The following NMNAT2 variants were observed in gnomAD, a reference collection of about 807,000 sequenced individuals.
The protein encoded by NMNAT2 is nicotinamide/nicotinic acid mononucleotide adenylyltransferase 2.
NMNAT2 carries 11 observed loss-of-function variants against 41.6 expected under a neutral mutation model. That is an observed-to-expected ratio of 0.26 (90% confidence interval 0.17 to 0.44). The LOEUF (loss-of-function observed/expected upper bound fraction) is 0.44, where lower values mean the gene tolerates loss of function less well. NMNAT2 is among the 20% of genes least tolerant of loss of function. NMNAT2 has a pLI of 1.00. For synonymous variants in NMNAT2, 148 were observed against 151.2 expected, an observed-to-expected ratio of 0.98 and a Z score of 0.16; for missense variants, 288 against 407.7, an observed-to-expected ratio of 0.71 and a Z score of 2.53.
chr1:183,392,238 A>T (rs1648504183), intron 1 of NMNAT2, among the ~76,000 whole-genome samples: 1 of 151,810 alleles, frequency 6.6e-6, no homozygotes, highest in South Asian at 2.1e-4. Context: ...ATAAATGGAA[A>T]CTCCATTCTT....
Position 183,252,357 on chromosome 1 carries a change from C to G in NMNAT2, c.*284G>C, listed in dbSNP as rs1321918017. 2 of 412,202 alleles carry G rather than the reference C, an allele frequency of 4.9e-6. No individual in the cohort carries two copies. Among genetic ancestry groups the G allele is most frequent in the African/African-American group, 4.1e-5 (2 of 49,004 alleles). 25.5% of individuals were successfully genotyped at this position (412,202 alleles called of 1,614,324 possible). On this transcript the variant is annotated 3_prime_UTR_variant, in exon 11 of 11. Transcript: ENST00000287713. The stretch of plus-strand genomic sequence containing the variant: ...ACCAGAGCCGCCTCTCTAGAGCATG[C>G]TGGGAGACGGACACCAGTACATCTC...
chr1:183,354,161 C>T (rs1036463885), intron 1 of NMNAT2, among the ~76,000 whole-genome samples: 2 of 152,074 alleles, frequency 1.3e-5, no homozygotes, highest in Admixed American at 6.5e-5. Flanking sequence ...GAGCCTTGCC[C>T]TTATCTTCAG....
intron 1 of NMNAT2, among the ~76,000 whole-genome samples, chr1:183,325,777 GT>G (rs1662449982): frequency 6.6e-6 from 1 of 152,164 alleles, no homozygotes; most frequent in Admixed American, 6.5e-5. Context: ...GAAATCATGT[GT>G]AATAAGGGTC....
At chr1:183,395,954 T>G (rs1490874814) in intron 1 of NMNAT2, among the ~76,000 whole-genome samples, 1 of 152,156 alleles carries the variant, frequency 6.6e-6, no homozygotes, top group African/African-American at 2.4e-5. Context: ...CTTCTCCTAT[T>G]TCCCAGCAGT....
intron 1 of NMNAT2, among the ~76,000 whole-genome samples, chr1:183,328,600 C>A (rs1251200083): frequency 1.3e-5 from 2 of 152,178 alleles, no homozygotes; most frequent in East Asian, 3.9e-4. Flanking sequence ...GCTAGCAATC[C>A]TCCTGGCTCT....
Position 183,286,704 on chromosome 1 carries a change from G to T in NMNAT2, c.406C>A (p.Pro136Thr), listed in dbSNP as rs765954058. Reference protein sequence around the residue: ...IGQPQNETPQPIYQNSNVATK... With the variant: ...IGQPQNETPQTIYQNSNVATK... The stretch of plus-strand genomic sequence containing the variant: ...GCCACGTTGCTGTTCTGGTAAATGG[G>T]CTGGGGGGTCTCGTTTTGTGGCTGT... Residue 136 changes from proline (P) to threonine (T), a missense_variant, in exon 5 of 11, where the codon CCC (proline) becomes ACC (threonine). Transcript: ENST00000287713. 6.2e-7 allele frequency: 1 copy of T among 1,612,550 alleles called. No individual in the cohort carries two copies. Among genetic ancestry groups the T allele is most frequent in the South Asian group, 1.1e-5 (1 of 90,526 alleles).
chr1:183,281,929 T>C, intron 7 of NMNAT2, among the ~76,000 whole-genome samples: 1 of 152,194 alleles, frequency 6.6e-6, no homozygotes, highest in East Asian at 1.9e-4. Context: ...TGGGCTAGCC[T>C]CCTTCCCCAG....
chr1:183,330,475 G>A (rs1195714411), intron 1 of NMNAT2, among the ~76,000 whole-genome samples: 1 of 152,064 alleles, frequency 6.6e-6, no homozygotes, highest in Non-Finnish European at 1.5e-5. Context: ...TTTCAGCTTG[G>A]ACTGCTTCAC....
In NMNAT2 at chr1:183,295,368, C is replaced by T. The variant is rs773707988; in HGVS notation, c.86-1575G>A. 4.0e-4 allele frequency among the ~76,000 whole-genome samples: 61 copies of T among 152,200 alleles called. 1 individual carries two copies. The highest frequency in any genetic ancestry group is 1.7e-3 in the Admixed American group (26 of 15,284). ...AAAATGAATAGACTATTTGTAACAC[C>T]GTTTTAGATTTACAGAATAATTGAG... On this transcript the variant is annotated intron_variant, in intron 1 of 10. Transcript: ENST00000287713.
At chr1:183,347,021 G>A (rs573577337) in intron 1 of NMNAT2, among the ~76,000 whole-genome samples, 2 of 152,060 alleles carry the variant, frequency 1.3e-5, no homozygotes, top group South Asian at 4.2e-4. Context: ...TTCTGGGTGG[G>A]AACTCACTTT....
At chr1:183,385,662 A>G (rs1013757410) in intron 1 of NMNAT2, among the ~76,000 whole-genome samples, 1 of 151,816 alleles carries the variant, frequency 6.6e-6, no homozygotes, top group South Asian at 2.1e-4. Context: ...TCCTCACTTC[A>G]TCACCTCACA....
At chr1:183,342,718 C>CAA (rs1402170960) in intron 1 of NMNAT2, among the ~76,000 whole-genome samples, 1 of 152,012 alleles carries the variant, frequency 6.6e-6, no homozygotes, top group Non-Finnish European at 1.5e-5. Context: ...AAAGTCATCT[C>CAA]AAACTCATTT....
intron 1 of NMNAT2, among the ~76,000 whole-genome samples, chr1:183,313,028 C>T (rs190663127): frequency 6.6e-5 from 10 of 152,294 alleles, no homozygotes; most frequent in Admixed American, 3.9e-4. Context: ...TTCCAGCTTT[C>T]ACTCGTGGAG....
At chr1:183,380,821 G>T (rs1020315316) in intron 1 of NMNAT2, among the ~76,000 whole-genome samples, 2 of 152,190 alleles carry the variant, frequency 1.3e-5, no homozygotes, top group Non-Finnish European at 2.9e-5. Flanking sequence ...GAAATACGGA[G>T]AAATGAGCTG....
intron 4 of NMNAT2, among the ~76,000 whole-genome samples, chr1:183,287,530 C>A (rs1661430614): frequency 6.6e-6 from 1 of 152,198 alleles, no homozygotes; most frequent in African/African-American, 2.4e-5. Context: ...GAGTTATCTG[C>A]CAGGCTACTC....
intron 1 of NMNAT2, among the ~76,000 whole-genome samples, chr1:183,408,301 CAG>C (rs1649017750): frequency 6.6e-6 from 1 of 152,066 alleles, no homozygotes. Context: ...CAAAAACATC[CAG>C]AGATAATACA....
At chr1:183,340,031 T>C (rs1292120671) in intron 1 of NMNAT2, among the ~76,000 whole-genome samples, 1 of 152,154 alleles carries the variant, frequency 6.6e-6, no homozygotes, top group Admixed American at 6.5e-5. Flanking sequence ...CCAATCACAA[T>C]GATTACAAGG....
chr1:183,375,793 G>A (rs1459016125), intron 1 of NMNAT2, among the ~76,000 whole-genome samples: 2 of 108,862 alleles, frequency 1.8e-5, no homozygotes, highest in Non-Finnish European at 4.5e-5. Flanking sequence ...GCCTCTCAGA[G>A]TACTTATGAG....
intron 1 of NMNAT2, among the ~76,000 whole-genome samples, chr1:183,329,404 A>C (rs1662533911): frequency 1.3e-5 from 2 of 152,244 alleles, no homozygotes; most frequent in African/African-American, 4.8e-5. Context: ...AAAATGGTCC[A>C]TTTTAACCCA....
Sources: gnomAD v4.1 joint callset for allele counts (sites outside exome capture counted in the v4.1 genomes callset) on GRCh38, gnomAD v4.1.1 for gene constraint, MANE v1.5 for transcripts, NCBI Gene and HGNC (gene_info 2026-07-23, HGNC 2026-07-21) for gene names.